TNFSF4: variants seen among roughly 807,000 people sequenced by gnomAD.
The protein encoded by TNFSF4 is TNF superfamily member 4, also known as tumor necrosis factor ligand superfamily member 4.
In TNFSF4, 4 loss-of-function variants were observed where a neutral mutation model predicts 7.3. The observed-to-expected ratio is 0.55, with a 90% CI of 0.27 to 1.25. The LOEUF (loss-of-function observed/expected upper bound fraction) is 1.25, where lower values mean the gene tolerates loss of function less well. Among genes scored for constraint, TNFSF4 ranks in the 50% most tolerant of loss-of-function variants. The probability of loss-of-function intolerance (pLI) is 0.12; values close to 1 mark genes in which losing one functional copy is unlikely to be tolerated. For missense variants in TNFSF4, 181 were observed against 208.8 expected (o/e 0.87, Z 0.82); for synonymous variants, 76 against 83.7 (o/e 0.91, Z 0.50).
chr1:173,367,100 C>T, the TNFSF4 span, among the ~76,000 whole-genome samples: 1 of 152,222 alleles, frequency 6.6e-6, no homozygotes, highest in South Asian at 2.1e-4. Flanking sequence ...TTCTCCATCA[C>T]ACATCCCTTC....
chr1:173,339,130 G>T, the TNFSF4 span, among the ~76,000 whole-genome samples: 2 of 152,232 alleles, frequency 1.3e-5, no homozygotes, highest in South Asian at 4.1e-4. Flanking sequence ...AGTGGCTCAC[G>T]CTTGTAATCC....
chr1:173,260,801 T>A, the TNFSF4 span, among the ~76,000 whole-genome samples: 4 of 152,316 alleles, frequency 2.6e-5, no homozygotes, highest in Non-Finnish European at 4.4e-5. Context: ...ATCCTAAATA[T>A]ATATGCATCA....
chr1:173,257,421 G>A, the TNFSF4 span, among the ~76,000 whole-genome samples: 1 of 152,160 alleles, frequency 6.6e-6, no homozygotes, highest in South Asian at 2.1e-4. Flanking sequence ...ACAGTTAAGG[G>A]TACAGTCCTT....
the TNFSF4 span, among the ~76,000 whole-genome samples, chr1:173,435,634 C>A: frequency 3.3e-5 from 5 of 152,156 alleles, no homozygotes; most frequent in African/African-American, 1.2e-4. Context: ...TTTAAAACAC[C>A]TTGTCTATGG....
At chr1:173,253,038 C>A in the TNFSF4 span, among the ~76,000 whole-genome samples, 1 of 152,140 alleles carries the variant, frequency 6.6e-6, no homozygotes, top group Non-Finnish European at 1.5e-5. Flanking sequence ...CAGGTTTTTT[C>A]TCTTAAATCC....
At chr1:173,331,449 A>G in the TNFSF4 span, among the ~76,000 whole-genome samples, 3 of 133,828 alleles carry the variant, frequency 2.2e-5, no homozygotes, top group African/African-American at 7.9e-5. Context: ...TGGAAACCTT[A>G]GTAGTCAAAA....
the TNFSF4 span, among the ~76,000 whole-genome samples, chr1:173,335,899 G>T: frequency 3.9e-5 from 6 of 152,118 alleles, no homozygotes; most frequent in African/African-American, 1.2e-4. Flanking sequence ...ACCTTTCCAG[G>T]ACTACTGAAC....
At chr1:173,218,919 C>T in the TNFSF4 span, among the ~76,000 whole-genome samples, 362 of 152,270 alleles carry the variant, frequency 2.4e-3, no homozygotes, top group Non-Finnish European at 1.9e-3. Context: ...CTCCTCACAC[C>T]TTCCCACTCC....
chr1:173,303,181 CTG>C, the TNFSF4 span, among the ~76,000 whole-genome samples: 1 of 151,876 alleles, frequency 6.6e-6, no homozygotes, highest in African/African-American at 2.4e-5. Flanking sequence ...TAGACTGCTT[CTG>C]TGTCTCTTTG....
chr1:173,379,993 A>T, the TNFSF4 span, among the ~76,000 whole-genome samples: 1 of 152,198 alleles, frequency 6.6e-6, no homozygotes, highest in Non-Finnish European at 1.5e-5. Flanking sequence ...AGCTCATGTC[A>T]TCAGACTCAC....
the TNFSF4 span, among the ~76,000 whole-genome samples, chr1:173,218,475 T>C: frequency 1.3e-5 from 2 of 152,024 alleles, no homozygotes; most frequent in African/African-American, 4.8e-5. Context: ...TCAGTGCCCA[T>C]CAATGAAAAA....
the TNFSF4 span, among the ~76,000 whole-genome samples, chr1:173,260,054 T>A: frequency 6.6e-6 from 1 of 151,792 alleles, no homozygotes; most frequent in Non-Finnish European, 1.5e-5. Context: ...TTCTCCAAGG[T>A]CAAAATGAAG....
the TNFSF4 span, among the ~76,000 whole-genome samples, chr1:173,379,635 C>A: frequency 1.3e-5 from 2 of 152,158 alleles, no homozygotes; most frequent in Non-Finnish European, 1.5e-5. Context: ...ACCTGGCAAC[C>A]TCAGTGTTCT....
At chr1:173,302,190 T>C in the TNFSF4 span, among the ~76,000 whole-genome samples, 1 of 151,894 alleles carries the variant, frequency 6.6e-6, no homozygotes, top group East Asian at 1.9e-4. Context: ...AGGGCTGACA[T>C]AATGGCAAAG....
At chr1:173,428,645 T>C in the TNFSF4 span, among the ~76,000 whole-genome samples, 80 of 152,352 alleles carry the variant, frequency 5.3e-4, no homozygotes, top group Non-Finnish European at 1.1e-3. Context: ...GAATTTATTG[T>C]TTTGTGGTTA....
the TNFSF4 span, among the ~76,000 whole-genome samples, chr1:173,429,991 C>A: frequency 1.3e-5 from 2 of 152,172 alleles, no homozygotes; most frequent in Non-Finnish European, 1.5e-5. Context: ...AAGTGCTATC[C>A]TTTATTTTTA....
At chr1:173,248,491 GGAAAGAAAGAAA>G in the TNFSF4 span, among the ~76,000 whole-genome samples, 5 of 136,186 alleles carry the variant, frequency 3.7e-5, no homozygotes, top group Admixed American at 3.8e-4. Flanking sequence ...AAGGAAGGAA[GGAAAGAAAGAAA>G]GAAAGAAAGA....
the TNFSF4 span, among the ~76,000 whole-genome samples, chr1:173,302,010 A>G: frequency 1.3e-5 from 2 of 151,918 alleles, no homozygotes; most frequent in African/African-American, 2.4e-5. Context: ...AAAAAAAGCT[A>G]AAAGAATTGA....
the TNFSF4 span, among the ~76,000 whole-genome samples, chr1:173,292,628 A>C: frequency 6.6e-6 from 1 of 151,910 alleles, no homozygotes; most frequent in South Asian, 2.1e-4. Context: ...TAGTACTGGA[A>C]GTCCTGGAAG....
Sources: allele counts gnomAD v4.1 joint callset (sites outside exome capture counted in the v4.1 genomes callset), GRCh38; gene constraint gnomAD v4.1.1; transcripts MANE v1.5; gene names NCBI Gene and HGNC (gene_info 2026-07-23, HGNC 2026-07-21).